PPP1R2: variants seen among roughly 807,000 people sequenced by gnomAD.
The protein encoded by PPP1R2 is protein phosphatase 1 regulatory inhibitor subunit 2, also known as protein phosphatase inhibitor 2.
A neutral mutation model predicts 29.9 loss-of-function variants in PPP1R2; 16 were observed. The observed-to-expected ratio is 0.53, with a 90% confidence interval of 0.36 to 0.81. The LOEUF is 0.81. PPP1R2 is among the 30% of genes least tolerant of loss of function. The pLI is 0.00. For synonymous variants in PPP1R2, 76 were observed against 91.5 expected, an observed-to-expected ratio of 0.83 and a Z score of 0.96; for missense variants, 197 against 252.7, an observed-to-expected ratio of 0.78 and a Z score of 1.49.
rs775282333 is a variant in PPP1R2 at position 195,543,033 on chromosome 3, C to T, written c.-8G>A. The T allele has an allele frequency of 2.5e-6, 4 of 1,597,854 alleles. No individual in the cohort carries two copies. The Admixed American group carries it at 5.2e-5, about 21-fold the overall frequency. ...GGCCGTCGAGGCCGCCATTGCCGGG[C>T]GCTCCGGCTGTCGGCTCAGGGTCGC... On this transcript the variant is annotated 5_prime_UTR_variant, in exon 1 of 6. Transcript: ENST00000618156.
At chr3:195,541,334 A>G (rs1464219014) in intron 1 of PPP1R2, among the ~76,000 whole-genome samples, 2 of 152,148 alleles carry the variant, frequency 1.3e-5, no homozygotes, top group Non-Finnish European at 2.9e-5. Context: ...CTCACACTGG[A>G]GAACAGCTAA....
At chr3:195,517,181 G>A (rs529639096) in intron 5 of PPP1R2, among the ~76,000 whole-genome samples, 1 of 152,254 alleles carries the variant, frequency 6.6e-6, no homozygotes, top group East Asian at 1.9e-4. Flanking sequence ...GAACATTTCT[G>A]TAAGTCACAG....
intron 1 of PPP1R2, among the ~76,000 whole-genome samples, chr3:195,530,702 T>C (rs977854905): frequency 6.6e-6 from 1 of 152,052 alleles, no homozygotes; most frequent in African/African-American, 2.4e-5. Context: ...ATTTTTGTAT[T>C]TTTAGGAGAG....
intron 4 of PPP1R2, 38 bp downstream of exon 4, chr3:195,523,654 C>T (rs537718840): frequency 1.3e-6 from 2 of 1,529,300 alleles, no homozygotes; most frequent in East Asian, 4.5e-5. Context: ...GCAAAAATTA[C>T]TAGCACCATG....
At chr3:195,528,382 T>C (rs1444364989) in intron 2 of PPP1R2, among the ~76,000 whole-genome samples, 1 of 152,332 alleles carries the variant, frequency 6.6e-6, no homozygotes, top group East Asian at 1.9e-4. Flanking sequence ...TTCACTCAAA[T>C]TTCATCAGTA....
rs1442636208 is a variant in PPP1R2, at chr3:195,515,416, T to C, written c.*1480A>G. 2 of 152,746 alleles carry C rather than the reference T, an allele frequency of 1.3e-5. No homozygotes were observed. The highest frequency in any genetic ancestry group is 2.1e-4 in the South Asian group (1 of 4,830). The allele number at this position is 152,746 out of a possible 1,614,324, so 9.5% of individuals were successfully genotyped here. On this transcript the variant is annotated 3_prime_UTR_variant, in exon 6 of 6. Coordinates refer to ENST00000618156, the MANE Select transcript of PPP1R2 (RefSeq NM_006241.8). Reference sequence around the variant, plus strand: ...AAAAGCCTTCTTTCATATATGTATCTATATATAAAATATACAGACGTTATT... The same window carrying C: ...AAAAGCCTTCTTTCATATATGTATCCATATATAAAATATACAGACGTTATT...
intron 2 of PPP1R2, 25 bp downstream of exon 2, chr3:195,529,752 TGGAAGTAAGTCACAAGA>T (rs1719111193): frequency 1.5e-6 from 2 of 1,371,626 alleles, no homozygotes; most frequent in South Asian, 2.6e-5. Context: ...AAATGCAAAA[TGGAAGTAAGTCACAAGA>T]GGAATGACGT....
chr3:195,542,918 G>A lies in PPP1R2; in HGVS notation c.108C>T (p.Val36=). 3 of 1,602,512 alleles carry A rather than the reference G, an allele frequency of 1.9e-6. No homozygotes were observed. The highest frequency in any genetic ancestry group is 1.7e-4 in the Middle Eastern group (1 of 6,038). ...VASAEQPRGN[V]DEELSKKSQK... ...CCAGCGCTCACCTCAGCTCCTCGTC[G>A]ACATTCCCGCGGGGCTGTTCGGCCG... Residue 36 remains valine, a synonymous_variant, in exon 1 of 6, where the codon GTC becomes GTT. Transcript: ENST00000618156.
chr3:195,527,991 C>T (rs1719036538), intron 2 of PPP1R2: 1 of 290,854 alleles, frequency 3.4e-6, no homozygotes, highest in African/African-American at 2.3e-5. Flanking sequence ...GTTTTTCTTC[C>T]CCTCAATTTA....
At position 195,518,929 on chromosome 3, in the gene PPP1R2, T is replaced by C. The variant is rs551675944; in HGVS notation, c.571+89A>G. On this transcript the variant is annotated intron_variant, in intron 5 of 5. Transcript: ENST00000618156. ...AAGCGAATCTCAGCAAAATTTTCTG[T>C]TTTTTCACAAGTTTAAAGCAAAATA... 25 of 1,540,082 alleles carry C rather than the reference T, an allele frequency of 1.6e-5. No individual in the cohort carries two copies. The South Asian group carries it at 2.9e-4, about 18-fold the overall frequency.
In PPP1R2 at chr3:195,515,597, G is replaced by A. The variant is rs1030522467; in HGVS notation, c.*1299C>T. 2 of 152,258 alleles carry A rather than the reference G, an allele frequency of 1.3e-5. No homozygotes were observed. The highest frequency in any genetic ancestry group is 2.4e-5 in the African/African-American group (1 of 41,412). 9.4% of individuals were successfully genotyped at this position (152,258 alleles called of 1,614,324 possible). ...GAAAAAATTCCACCTAATTCTTACT[G>A]CGTTAGAAGAATAAAGCACGTTTGT... is the stretch of plus-strand genomic sequence containing the variant. On this transcript the variant is annotated 3_prime_UTR_variant, in exon 6 of 6. Coordinates refer to ENST00000618156, the MANE Select transcript of PPP1R2 (RefSeq NM_006241.8).
Position 195,519,049 on chromosome 3 carries a change from T to C in PPP1R2, c.540A>G (p.Gly180=), listed in dbSNP as rs767213902. ...EDEEMLETAD[G]ESMNTEESNQ... Reference sequence around the variant, plus strand: ...TTGATTCTTCCGTATTCATGCTTTCTCCATCTGCAGTCTCTAACATTTCTT... The same window carrying C: ...TTGATTCTTCCGTATTCATGCTTTCCCCATCTGCAGTCTCTAACATTTCTT... Residue 180 remains glycine (G), a synonymous_variant, in exon 5 of 6, where the codon GGA becomes GGG. Transcript: ENST00000618156. 1 of 1,603,224 alleles carries C rather than the reference T, an allele frequency of 6.2e-7. No homozygotes were observed. The highest frequency in any genetic ancestry group is 8.5e-7 in the Non-Finnish European group (1 of 1,171,584).
At chr3:195,517,211 C>T (rs779841560) in intron 5 of PPP1R2, among the ~76,000 whole-genome samples, 10 of 152,090 alleles carry the variant, frequency 6.6e-5, no homozygotes, top group Non-Finnish European at 1.0e-4. Context: ...TAAGAGTTTA[C>T]GACAACTCCA....
At chr3:195,538,450 G>A (rs867768323) in intron 1 of PPP1R2, among the ~76,000 whole-genome samples, 2 of 152,124 alleles carry the variant, frequency 1.3e-5, no homozygotes, top group East Asian at 3.8e-4. Flanking sequence ...GCCTGATATC[G>A]TTACTGAACA....
At chr3:195,535,625 T>A (rs967533892) in intron 1 of PPP1R2, among the ~76,000 whole-genome samples, 1 of 152,158 alleles carries the variant, frequency 6.6e-6, no homozygotes, top group Admixed American at 6.5e-5. Context: ...GATGATTTGA[T>A]AGAGATGAGT....
intron 1 of PPP1R2, 26 bp downstream of exon 1, chr3:195,542,878 C>T: frequency 1.3e-6 from 2 of 1,586,520 alleles, no homozygotes; most frequent in Non-Finnish European, 1.7e-6. Flanking sequence ...AGGAGGGGCT[C>T]CCAGGCCGTC....
chr3:195,541,874 T>A (rs1719612564), intron 1 of PPP1R2, among the ~76,000 whole-genome samples: 1 of 152,128 alleles, frequency 6.6e-6, no homozygotes, highest in Non-Finnish European at 1.5e-5. Flanking sequence ...GTAACACAAA[T>A]CCCTAAAATT....
chr3:195,519,673 A>C (rs1718679566), intron 4 of PPP1R2: 1 of 152,092 alleles, frequency 6.6e-6, no homozygotes, highest in African/African-American at 2.4e-5. Flanking sequence ...AAATCCTTTA[A>C]AACAATTCTT....
intron 1 of PPP1R2, among the ~76,000 whole-genome samples, chr3:195,535,829 T>C (rs376438229): frequency 5.3e-5 from 8 of 152,268 alleles, no homozygotes; most frequent in African/African-American, 1.7e-4. Context: ...CATAGAAGCA[T>C]CTTAAGAGAA....
Sources: allele counts gnomAD v4.1 joint callset (sites outside exome capture counted in the v4.1 genomes callset), GRCh38; gene constraint gnomAD v4.1.1; transcripts MANE v1.5; gene names NCBI Gene and HGNC (gene_info 2026-07-23, HGNC 2026-07-21).